The following CMTM8 variants were observed in gnomAD, a reference collection of about 807,000 sequenced individuals.
CMTM8 encodes CKLF-like MARVEL transmembrane domain-containing protein 8.
A neutral mutation model predicts 18.6 loss-of-function variants in CMTM8; 12 were observed. The observed-to-expected ratio is 0.65, with a 90% CI of 0.41 to 1.05. The LOEUF (loss-of-function observed/expected upper bound fraction) is 1.05. Among genes scored for constraint, CMTM8 ranks in the 50% least tolerant of loss-of-function variants. The pLI is 0.00. For synonymous variants in CMTM8, 87 were observed against 90.6 expected, an observed-to-expected ratio of 0.96 and a Z score of 0.23; for missense variants, 217 against 227.2, an observed-to-expected ratio of 0.95 and a Z score of 0.29.
rs371176737 is a variant in CMTM8, at chr3:32,300,351, T to C, written c.148-57022T>C. 8.1e-4 allele frequency among the ~76,000 whole-genome samples: 124 copies of C among 152,348 alleles called. 1 individual carries two copies. In the Middle Eastern group the frequency reaches 0.02, roughly 25 times the overall value. ...TACAACCAAACAAGGTCAGTCAGAT[T>C]ATTTCTTTGTGGCCAATTCTTACAC... On this transcript the variant is annotated intron_variant, in intron 1 of 3. Coordinates refer to ENST00000307526, the MANE Select transcript of CMTM8 (RefSeq NM_178868.5).
chr3:32,360,029 T>A (rs1696893190), intron 2 of CMTM8, among the ~76,000 whole-genome samples: 1 of 152,176 alleles, frequency 6.6e-6, no homozygotes, highest in Non-Finnish European at 1.5e-5. Context: ...AAACCAGGAC[T>A]CCTAATCCCT....
At chr3:32,265,240 T>G (rs1702318597) in intron 1 of CMTM8, among the ~76,000 whole-genome samples, 1 of 152,044 alleles carries the variant, frequency 6.6e-6, no homozygotes, top group Admixed American at 6.6e-5. Context: ...GAACAGAAAT[T>G]ATAACAAACT....
intron 1 of CMTM8, chr3:32,259,372 G>GGACAATGCCCGCATTGTTCTGCAGAGT: frequency 1.2e-6 from 1 of 819,984 alleles, no homozygotes. Flanking sequence ...CAAATACTGT[G>GGACAATGCCCGCATTGTTCTGCAGAGT]GACAATGCCC....
At chr3:32,341,908 A>C (rs1696504828) in intron 1 of CMTM8, among the ~76,000 whole-genome samples, 1 of 151,996 alleles carries the variant, frequency 6.6e-6, no homozygotes, top group Admixed American at 6.6e-5. Context: ...TAAGTTTTTT[A>C]ACTCACTGTG....
chr3:32,249,524 C>G (rs1205261302), intron 1 of CMTM8, among the ~76,000 whole-genome samples: 3 of 151,656 alleles, frequency 2.0e-5, no homozygotes. Context: ...CATGAGAGTT[C>G]TAATTCTTCA....
rs1226123963 is a variant in CMTM8 at position 32,238,871 on chromosome 3, C to A, written c.-102C>A. On this transcript the variant is annotated 5_prime_UTR_variant, in exon 1 of 4. Transcript: ENST00000307526. ...CACCTCCTGCCCCGCGCGGGCCGCG[C>A]TCCCCTCCCCCGCGCCTGTGTCCCC... is the stretch of plus-strand genomic sequence containing the variant. The A allele has an allele frequency of 1.8e-6, 2 of 1,140,260 alleles. No homozygotes were observed. The highest frequency in any genetic ancestry group is 2.3e-6 in the Non-Finnish European group (2 of 882,378). 70.6% of individuals were successfully genotyped at this position (1,140,260 alleles called of 1,614,324 possible).
chr3:32,353,830 G>T (rs1696760065), intron 1 of CMTM8, among the ~76,000 whole-genome samples: 1 of 149,462 alleles, frequency 6.7e-6, no homozygotes, highest in Admixed American at 6.7e-5. Context: ...TGTCACCCAG[G>T]TTGGAGTGCA....
chr3:32,308,167 C>T (rs1222518177), intron 1 of CMTM8, among the ~76,000 whole-genome samples: 1 of 152,162 alleles, frequency 6.6e-6, no homozygotes, highest in Non-Finnish European at 1.5e-5. Context: ...CGCACTCTAC[C>T]GACTCCATGT....
intron 1 of CMTM8, among the ~76,000 whole-genome samples, chr3:32,310,541 G>A (rs1192198443): frequency 6.6e-6 from 1 of 152,100 alleles, no homozygotes; most frequent in Non-Finnish European, 1.5e-5. Flanking sequence ...TTCTCCTAGG[G>A]TTATTTTCCT....
chr3:32,272,245 T>G (rs1702449868), intron 1 of CMTM8, among the ~76,000 whole-genome samples: 1 of 152,198 alleles, frequency 6.6e-6, no homozygotes, highest in Non-Finnish European at 1.5e-5. Context: ...CTTTAAAAAT[T>G]TTTTGTCTTT....
intron 1 of CMTM8, among the ~76,000 whole-genome samples, chr3:32,297,105 T>C (rs1702894005): frequency 6.6e-6 from 1 of 152,230 alleles, no homozygotes. Flanking sequence ...AATTGCCCTC[T>C]GGGTTCAAAG....
chr3:32,282,349 A>G (rs1356324688), intron 1 of CMTM8, among the ~76,000 whole-genome samples: 1 of 152,220 alleles, frequency 6.6e-6, no homozygotes, highest in Non-Finnish European at 1.5e-5. Flanking sequence ...TATGTACCAT[A>G]TTTGGATATT....
intron 1 of CMTM8, among the ~76,000 whole-genome samples, chr3:32,298,745 A>G (rs1575165647): frequency 6.8e-6 from 1 of 147,204 alleles, no homozygotes; most frequent in South Asian, 2.1e-4. Context: ...CAATCCTCCC[A>G]CCTCAGCTTC....
At chr3:32,327,020 G>A (rs1273594855) in intron 1 of CMTM8, among the ~76,000 whole-genome samples, 3 of 151,730 alleles carry the variant, frequency 2.0e-5, no homozygotes, top group Admixed American at 6.6e-5. Context: ...GAGCTATGTC[G>A]TCTTTCTTGT....
chr3:32,242,385 G>A (rs1341253043), intron 1 of CMTM8, among the ~76,000 whole-genome samples: 2 of 152,222 alleles, frequency 1.3e-5, no homozygotes, highest in Non-Finnish European at 2.9e-5. Flanking sequence ...GGAGTGTAGT[G>A]GTATGATCAC....
At chr3:32,369,684 A>AG (rs1223031473) in intron 3 of CMTM8, among the ~76,000 whole-genome samples, 200 bp from the exon 4 acceptor site, 6 of 152,258 alleles carry the variant, frequency 3.9e-5, no homozygotes, top group Admixed American at 1.3e-4. Flanking sequence ...ACAGGCTTTC[A>AG]GATGTTCTCC....
intron 1 of CMTM8, among the ~76,000 whole-genome samples, chr3:32,350,847 C>T (rs1488292585): frequency 6.6e-6 from 1 of 151,610 alleles, no homozygotes; most frequent in African/African-American, 2.4e-5. Flanking sequence ...TTAGTAGAGG[C>T]GGGGTTTCAC....
chr3:32,251,790 T>C (rs1702114156), intron 1 of CMTM8, among the ~76,000 whole-genome samples: 1 of 152,004 alleles, frequency 6.6e-6, no homozygotes, highest in South Asian at 2.1e-4. Flanking sequence ...TTTTTTTTTT[T>C]TTAATATTTA....
At chr3:32,298,825 ATG>A (rs1333294100) in intron 1 of CMTM8, among the ~76,000 whole-genome samples, 1 of 90,232 alleles carries the variant, frequency 1.1e-5, no homozygotes, top group Non-Finnish European at 2.2e-5. Flanking sequence ...ACACGTGTGT[ATG>A]TGTATATATA....
Sources: gnomAD v4.1 joint callset for allele counts (sites outside exome capture counted in the v4.1 genomes callset) on GRCh38, gnomAD v4.1.1 for gene constraint, MANE v1.5 for transcripts, NCBI Gene and HGNC (gene_info 2026-07-23, HGNC 2026-07-21) for gene names.